DOCK7: variants seen among roughly 807,000 people sequenced by gnomAD.
DOCK7 encodes dedicator of cytokinesis protein 7.
Under a neutral mutation model 271.0 loss-of-function variants are expected in DOCK7, and 138 were observed. The ratio of observed to expected loss-of-function variants is 0.51; its 90% CI spans 0.44 to 0.59. DOCK7 has a LOEUF of 0.59. DOCK7 is among the 20% of genes least tolerant of loss of function. The probability of loss-of-function intolerance (pLI) is 0.00; values close to 1 mark genes in which losing one functional copy is unlikely to be tolerated. For synonymous variants in DOCK7, 823 were observed against 876.1 expected, an observed-to-expected ratio of 0.94 and a Z score of 1.07; for missense variants, 2,066 against 2,592.4, an observed-to-expected ratio of 0.80 and a Z score of 4.41.
chr1:62,634,213 A>G (rs536454350), intron 9 of DOCK7, among the ~76,000 whole-genome samples: 8 of 152,230 alleles, frequency 5.3e-5, no homozygotes, highest in African/African-American at 1.9e-4. Flanking sequence ...GGATCTATAT[A>G]CACTGAAGAC....
chr1:62,634,664 T>A (rs1223920186), intron 9 of DOCK7, 109 bp downstream of exon 9: 1 of 1,177,106 alleles, frequency 8.5e-7, no homozygotes, highest in South Asian at 1.5e-5. Flanking sequence ...AATATCAAGA[T>A]GAAAAAAATA....
At chr1:62,562,233 C>CTTTTT (rs59893499) in intron 18 of DOCK7, among the ~76,000 whole-genome samples, 4 of 121,260 alleles carry the variant, frequency 3.3e-5, no homozygotes, top group Admixed American at 9.4e-5. Context: ...GATCCAAAAA[C>CTTTTT]TTTTTTTTTT....
At chr1:62,586,086 T>C (rs1647472421) in intron 15 of DOCK7, among the ~76,000 whole-genome samples, 1 of 152,124 alleles carries the variant, frequency 6.6e-6, no homozygotes, top group Non-Finnish European at 1.5e-5. Context: ...CAGCCTCATA[T>C]ACCACACATC....
In DOCK7 at chr1:62,618,591, T is replaced by G. The variant is rs1045971873; in HGVS notation, c.1682+115A>C. 6 of 881,824 alleles carry G rather than the reference T, an allele frequency of 6.8e-6. No homozygotes were observed. In the Admixed American group the frequency reaches 7.9e-5, roughly 12 times the overall value. 54.6% of individuals were successfully genotyped at this position (881,824 alleles called of 1,614,324 possible). A position where few individuals can be genotyped will look rare whatever the true frequency, so the allele number is the denominator to read the frequency against. On this transcript the variant is annotated intron_variant, in intron 14 of 49. Transcript: ENST00000635253. Reference sequence around the variant, plus strand: ...ATTAATAAAATTGTGCGGTAAGAGATAGAGTTAAGTAACAAAACTACTTAA... The same window carrying G: ...ATTAATAAAATTGTGCGGTAAGAGAGAGAGTTAAGTAACAAAACTACTTAA...
rs182803232 is a variant in DOCK7, at chr1:62,526,130, A to C, written c.3936+2021T>G. Reference sequence around the variant, plus strand: ...ATTTTTTGTGGTTTTGGATAGAAACAGAGTTTTGTCATGTCCCCCAGGCTG... The same window carrying C: ...ATTTTTTGTGGTTTTGGATAGAAACCGAGTTTTGTCATGTCCCCCAGGCTG... On this transcript the variant is annotated intron_variant, in intron 31 of 49. Coordinates refer to ENST00000635253, the MANE Select transcript of DOCK7 (RefSeq NM_001367561.1). Among the ~76,000 whole-genome samples, 225 of 152,140 alleles carry C rather than the reference A, an allele frequency of 1.5e-3. 4 individuals are homozygous for C. The highest frequency in any genetic ancestry group is 5.1e-3 in the African/African-American group (211 of 41,548).
At chr1:62,483,278 G>T (rs1690759) in intron 43 of DOCK7, 1 of 144,944 alleles carries the variant, frequency 6.9e-6, no homozygotes, top group Admixed American at 7.2e-5. Flanking sequence ...CGAGGATCGC[G>T]CCTTGGCCTC....
At chr1:62,571,221 C>A (rs982300720) in intron 18 of DOCK7, among the ~76,000 whole-genome samples, 2 of 151,880 alleles carry the variant, frequency 1.3e-5, no homozygotes, top group Non-Finnish European at 2.9e-5. Context: ...AAAAAACAAC[C>A]CCATTAAACA....
chr1:62,540,924 A>T (rs1168023), intron 25 of DOCK7, among the ~76,000 whole-genome samples: 88,648 of 152,004 alleles, frequency 0.58, 27,523 homozygotes, highest in East Asian at 0.76. Context: ...TTCTAGGAAA[A>T]AAATGAATTG....
At position 62,539,811 on chromosome 1, in the gene DOCK7, C is replaced by T; in HGVS notation, c.3127G>A (p.Asp1043Asn). The T allele has an allele frequency of 1.2e-6, 2 of 1,613,806 alleles. No homozygotes were observed. The highest frequency in any genetic ancestry group is 1.7e-5 in the Admixed American group (1 of 59,990). Reference sequence around the variant, plus strand: ...GTGCTGACAAGAGCTGCAATGTCATCCATGAAACGTTCTGGAAAACGACTT... The same window carrying T: ...GTGCTGACAAGAGCTGCAATGTCATTCATGAAACGTTCTGGAAAACGACTT... ...RKSRFPERFM[D>N]DIAALVSTIA... The change falls in exon 26 of 50, where the codon GAT becomes AAT. Residue 1043 changes from aspartate to asparagine, a missense_variant. Physicochemically the swap from Asp to Asn is conservative, Grantham distance 23. Transcript: ENST00000635253.
intron 1 of DOCK7, among the ~76,000 whole-genome samples, chr1:62,674,792 T>C (rs1486002775): frequency 6.6e-6 from 1 of 152,108 alleles, no homozygotes; most frequent in Non-Finnish European, 1.5e-5. Context: ...AAACCATGCA[T>C]AAAAACTAAC....
intron 14 of DOCK7, chr1:62,608,072 ACT>A (rs1017772587): frequency 2.6e-5 from 4 of 151,924 alleles, no homozygotes; most frequent in African/African-American, 9.7e-5. Context: ...ACAGAGTGAG[ACT>A]CTGTCTCAAA....
At chr1:62,507,774 C>T (rs1229405019) in intron 35 of DOCK7, among the ~76,000 whole-genome samples, 188 bp downstream of exon 35, 8 of 152,174 alleles carry the variant, frequency 5.3e-5, no homozygotes, top group Non-Finnish European at 8.8e-5. Context: ...CATAATCATC[C>T]TCCATGAAGA....
At chr1:62,673,063 T>C (rs923967449) in intron 1 of DOCK7, among the ~76,000 whole-genome samples, 2 of 152,182 alleles carry the variant, frequency 1.3e-5, no homozygotes, top group Admixed American at 6.5e-5. Context: ...AGCCATTGTC[T>C]TTATGTCATT....
intron 31 of DOCK7, among the ~76,000 whole-genome samples, chr1:62,524,434 G>A (rs1473678720): frequency 6.6e-6 from 1 of 152,038 alleles, no homozygotes; most frequent in Non-Finnish European, 1.5e-5. Context: ...CTGCAAAATT[G>A]TTATTTGCAA....
chr1:62,636,394 A>G (rs1024568909), intron 8 of DOCK7, 143 bp downstream of exon 8: 33 of 606,324 alleles, frequency 5.4e-5, no homozygotes, highest in Non-Finnish European at 8.8e-5. Context: ...ATATTTAACT[A>G]GTCCTAATAA....
chr1:62,537,349 C>T (rs760466183), intron 28 of DOCK7, among the ~76,000 whole-genome samples: 11 of 151,744 alleles, frequency 7.2e-5, no homozygotes, highest in Non-Finnish European at 1.5e-4. Flanking sequence ...TTTGAGAGGC[C>T]GAGGCCGGCA....
At chr1:62,500,718 A>G (rs1646757023) in intron 37 of DOCK7, among the ~76,000 whole-genome samples, 1 of 152,254 alleles carries the variant, frequency 6.6e-6, no homozygotes, top group Admixed American at 6.5e-5. Context: ...TAATGTCAGA[A>G]GACAATGGTA....
intron 48 of DOCK7, among the ~76,000 whole-genome samples, chr1:62,472,971 TG>T (rs1645872806): frequency 6.6e-6 from 1 of 152,180 alleles, no homozygotes; most frequent in South Asian, 2.1e-4. Flanking sequence ...GAGGACCCGT[TG>T]AAGCTTGCTC....
chr1:62,508,126 G>A, intron 34 of DOCK7, 68 bp from the exon 35 acceptor site: 2 of 1,331,670 alleles, frequency 1.5e-6, no homozygotes, highest in Non-Finnish European at 2.0e-6. Context: ...AAGACTTAAG[G>A]ATGCATAGAA....
Sources: allele counts gnomAD v4.1 joint callset (sites outside exome capture counted in the v4.1 genomes callset), GRCh38; gene constraint gnomAD v4.1.1; transcripts MANE v1.5; gene names NCBI Gene and HGNC (gene_info 2026-07-23, HGNC 2026-07-21).